Variants in STPG4 observed in about 807,000 individuals in gnomAD.
The protein encoded by STPG4 is protein STPG4.
A neutral mutation model predicts 31.5 loss-of-function variants in STPG4; 41 were observed. The ratio of observed to expected loss-of-function variants is 1.30; its 90% CI spans 1.01 to 1.69. The LOEUF (loss-of-function observed/expected upper bound fraction) is 1.69. Ranked by LOEUF, STPG4 falls within the 40% of genes most tolerant of loss-of-function variation. The pLI is 0.00. For missense variants in STPG4, 375 were observed against 293.4 expected (o/e 1.28, Z -2.03); for synonymous variants, 141 against 103.0 (o/e 1.37, Z -2.24).
intron 5 of STPG4, among the ~76,000 whole-genome samples, chr2:47,096,730 C>A (rs1249494548): frequency 6.6e-6 from 1 of 152,134 alleles, no homozygotes; most frequent in Non-Finnish European, 1.5e-5. Flanking sequence ...GGTATTTAGG[C>A]CAGAGATTCT....
At chr2:47,102,026 G>C (rs890037371) in intron 5 of STPG4, among the ~76,000 whole-genome samples, 1 of 151,892 alleles carries the variant, frequency 6.6e-6, no homozygotes, top group Non-Finnish European at 1.5e-5. Flanking sequence ...AGGTTTTCGA[G>C]AATGCGTAGG....
intron 5 of STPG4, among the ~76,000 whole-genome samples, chr2:47,093,022 A>C (rs1157631393): frequency 6.6e-6 from 1 of 152,106 alleles, no homozygotes; most frequent in East Asian, 1.9e-4. Flanking sequence ...CGAACTCCTG[A>C]CCTCATGATC....
At chr2:47,087,660 G>A (rs1441056295) in intron 6 of STPG4, among the ~76,000 whole-genome samples, 1 of 152,034 alleles carries the variant, frequency 6.6e-6, no homozygotes, top group Non-Finnish European at 1.5e-5. Context: ...TGGACCCCAG[G>A]GTCAGAAGTG....
intron 3 of STPG4, among the ~76,000 whole-genome samples, chr2:47,146,174 A>G (rs963042043): frequency 6.6e-6 from 1 of 152,222 alleles, no homozygotes; most frequent in Admixed American, 6.5e-5. Flanking sequence ...CCTTGAGAAA[A>G]GCCACTCAGA....
intron 3 of STPG4, among the ~76,000 whole-genome samples, 171 bp from the exon 4 acceptor site, chr2:47,130,431 T>C (rs1230428916): frequency 4.6e-5 from 7 of 152,242 alleles, no homozygotes; most frequent in Admixed American, 4.6e-4. Context: ...CTTCAAAACA[T>C]TTAACATAGA....
At chr2:47,110,429 A>G (rs771309606) in intron 5 of STPG4, among the ~76,000 whole-genome samples, 52 of 152,182 alleles carry the variant, frequency 3.4e-4, no homozygotes, top group Non-Finnish European at 7.2e-4. Context: ...CCCCATCTCC[A>G]CTAAACATGC....
intron 3 of STPG4, among the ~76,000 whole-genome samples, chr2:47,142,189 G>A (rs1382245195): frequency 6.6e-6 from 1 of 151,864 alleles, no homozygotes; most frequent in African/African-American, 2.4e-5. Flanking sequence ...GTTCAAGGAT[G>A]TATTTTGAAC....
chr2:47,108,291 C>A (rs1224938900), intron 5 of STPG4: 2 of 151,906 alleles, frequency 1.3e-5, no homozygotes, highest in Non-Finnish European at 2.9e-5. Context: ...GAGTCCCCTT[C>A]CACACTGTGG....
chr2:47,089,984 C>T (rs565619520), intron 6 of STPG4, among the ~76,000 whole-genome samples: 1 of 152,348 alleles, frequency 6.6e-6, no homozygotes, highest in African/African-American at 2.4e-5. Context: ...TAGTTGGTAA[C>T]ATTGATGGCT....
intron 5 of STPG4, among the ~76,000 whole-genome samples, chr2:47,119,861 G>A (rs1686231385): frequency 6.6e-6 from 1 of 152,154 alleles, no homozygotes; most frequent in Non-Finnish European, 1.5e-5. Context: ...TAAGGGTAGG[G>A]CTAAATGTGG....
At chr2:47,110,457 G>T (rs2347616) in intron 5 of STPG4, among the ~76,000 whole-genome samples, 35,347 of 152,120 alleles carry the variant, frequency 0.23, 4,261 homozygotes, top group Admixed American at 0.31. Flanking sequence ...AGCCAGGCCT[G>T]GTGGCGGGCA....
At chr2:47,150,769 A>C (rs1686918331) in intron 3 of STPG4, among the ~76,000 whole-genome samples, 1 of 151,828 alleles carries the variant, frequency 6.6e-6, no homozygotes, top group Non-Finnish European at 1.5e-5. Flanking sequence ...ACAGGCATGC[A>C]CTACTACACC....
intron 6 of STPG4, among the ~76,000 whole-genome samples, chr2:47,088,432 G>C (rs1185123976): frequency 6.6e-6 from 1 of 152,182 alleles, no homozygotes; most frequent in East Asian, 1.9e-4. Flanking sequence ...AAGGGTTTTA[G>C]AGTCCAACAA....
intron 3 of STPG4, among the ~76,000 whole-genome samples, chr2:47,148,923 G>A (rs1055828287): frequency 7.2e-5 from 11 of 152,158 alleles, no homozygotes. Flanking sequence ...AGCAGCCACT[G>A]AAAGATATAA....
chr2:47,118,315 T>C (rs1558679038), intron 5 of STPG4, among the ~76,000 whole-genome samples: 1 of 152,196 alleles, frequency 6.6e-6, no homozygotes, highest in Non-Finnish European at 1.5e-5. Context: ...ATCTAGGTTG[T>C]GCACTCCTTA....
chr2:47,151,257 C>A lies in STPG4; in HGVS notation c.399+1G>T. On this transcript the variant is annotated splice_donor_variant, in intron 3 of 6. Coordinates refer to ENST00000445927, the MANE Select transcript of STPG4 (RefSeq NM_001163561.2). LOFTEE classifies it high-confidence loss of function. The stretch of plus-strand genomic sequence containing the variant: ...AAAGCAATCTGCCAGTAGCGCTTTA[C>A]CTGATCTTTGTCAACTAGTGTGCTG... 1 of 1,614,126 alleles carries A rather than the reference C, an allele frequency of 6.2e-7. No homozygotes were observed. The highest frequency in any genetic ancestry group is 1.1e-5 in the South Asian group (1 of 91,064).
chr2:47,105,911 TAG>T (rs1309582720), intron 5 of STPG4, among the ~76,000 whole-genome samples: 2 of 152,000 alleles, frequency 1.3e-5, no homozygotes, highest in Non-Finnish European at 2.9e-5. Flanking sequence ...AAGGAAATTA[TAG>T]AGTTATTGCA....
chr2:47,123,095 G>A (rs538440462), intron 5 of STPG4, among the ~76,000 whole-genome samples: 22 of 152,156 alleles, frequency 1.4e-4, no homozygotes, highest in Non-Finnish European at 2.6e-4. Flanking sequence ...CAAAGTGCTG[G>A]GATTACAGGC....
rs187679714 is a variant in STPG4 at position 47,132,111 on chromosome 2, G to C, written c.400-1851C>G. 3.0e-3 allele frequency among the ~76,000 whole-genome samples: 460 copies of C among 151,440 alleles called. 6 individuals are homozygous for C. Among genetic ancestry groups the C allele is most frequent in the African/African-American group, 0.01 (428 of 41,198 alleles). ...ACCTGGGAGGCGGGGGTTGCAGTGA[G>C]CCAAGATCGTGCCACTGGACTCCAG... is the stretch of plus-strand genomic sequence containing the variant. On this transcript the variant is annotated intron_variant, in intron 3 of 6. Transcript: ENST00000445927.
Sources: gnomAD v4.1 joint callset for allele counts (sites outside exome capture counted in the v4.1 genomes callset) on GRCh38, gnomAD v4.1.1 for gene constraint, MANE v1.5 for transcripts, NCBI Gene and HGNC (gene_info 2026-07-23, HGNC 2026-07-21) for gene names.